The following RAB7A variants were observed in gnomAD, a reference collection of about 807,000 sequenced individuals.
RAB7A encodes the protein RAB7A, member RAS oncogene family.
Under a neutral mutation model 24.5 loss-of-function variants are expected in RAB7A, and 2 were observed. The ratio of observed to expected loss-of-function variants is 0.08; its 90% CI spans 0.03 to 0.26. The LOEUF (loss-of-function observed/expected upper bound fraction) is 0.26, where lower values mean the gene tolerates loss of function less well. RAB7A is among the 10% of genes least tolerant of loss of function. RAB7A has a pLI of 1.00. For synonymous variants in RAB7A, 100 were observed against 95.9 expected (o/e 1.04, Z -0.25); for missense variants, 118 against 255.7 (o/e 0.46, Z 3.67).
intron 1 of RAB7A, among the ~76,000 whole-genome samples, chr3:128,732,466 C>G (rs1161619715): frequency 6.6e-6 from 1 of 151,696 alleles, no homozygotes; most frequent in Non-Finnish European, 1.5e-5. Flanking sequence ...CGAGGAAGAC[C>G]AAAGTGTTAA....
chr3:128,757,407 G>A (rs2070739148), intron 1 of RAB7A, among the ~76,000 whole-genome samples: 1 of 152,154 alleles, frequency 6.6e-6, no homozygotes, highest in Non-Finnish European at 1.5e-5. Flanking sequence ...TGATATTGAG[G>A]CCAGGTGTGC....
At chr3:128,764,349 A>T (rs1261614414) in intron 1 of RAB7A, 10 of 619,022 alleles carry the variant, frequency 1.6e-5, no homozygotes, top group Non-Finnish European at 2.6e-5. Context: ...AAATCGAAGA[A>T]CTTAAGTGGA....
intron 3 of RAB7A, among the ~76,000 whole-genome samples, chr3:128,801,994 G>T (rs542006230): frequency 3.4e-4 from 52 of 152,286 alleles, no homozygotes; most frequent in African/African-American, 1.3e-3. Context: ...AGAAAGAGAT[G>T]GGCAGCACAG....
intron 1 of RAB7A, among the ~76,000 whole-genome samples, chr3:128,780,769 A>G (rs1237891976): frequency 6.6e-6 from 1 of 152,230 alleles, no homozygotes; most frequent in East Asian, 1.9e-4. Flanking sequence ...GTGGTAACCC[A>G]TGTTCTTAGG....
At chr3:128,734,685 C>G (rs958858291) in intron 1 of RAB7A, among the ~76,000 whole-genome samples, 5 of 151,812 alleles carry the variant, frequency 3.3e-5, no homozygotes, top group Non-Finnish European at 7.4e-5. Context: ...ACACTTGAGC[C>G]CTTAGAATAT....
intron 3 of RAB7A, among the ~76,000 whole-genome samples, chr3:128,801,596 C>G (rs1030540942): frequency 6.6e-6 from 1 of 152,064 alleles, no homozygotes; most frequent in Non-Finnish European, 1.5e-5. Context: ...TTTGGAAATT[C>G]AGAGAATGCT....
At position 128,789,025 on chromosome 3, in the gene RAB7A, C is replaced by T. The variant is rs1298824169; in HGVS notation, c.-8-6335C>T. Among the ~76,000 whole-genome samples, 3 of 152,154 alleles carry T rather than the reference C, an allele frequency of 2.0e-5. No individual in the cohort carries two copies. The East Asian group carries it at 5.8e-4, about 29-fold the overall frequency. ...TGTTTCATCGTTCAAATACTGGTAC[C>T]AATACTGGTAGTTTCGCTCTGAGGA... On this transcript the variant is annotated intron_variant, in intron 1 of 5. Transcript: ENST00000265062.
At chr3:128,795,792 C>T (rs1445086038) in intron 2 of RAB7A, among the ~76,000 whole-genome samples, 2 of 78,000 alleles carry the variant, frequency 2.6e-5, no homozygotes, top group East Asian at 1.1e-3. Context: ...CGCTCTGTCG[C>T]CCAGGCTGGA....
At chr3:128,783,383 C>T (rs546782306) in intron 1 of RAB7A, among the ~76,000 whole-genome samples, 7 of 152,116 alleles carry the variant, frequency 4.6e-5, no homozygotes, top group African/African-American at 1.7e-4. Flanking sequence ...AAGACAGGCT[C>T]TCAACACTGC....
intron 1 of RAB7A, among the ~76,000 whole-genome samples, chr3:128,736,989 T>C (rs2070495423): frequency 6.6e-6 from 1 of 152,190 alleles, no homozygotes; most frequent in African/African-American, 2.4e-5. Context: ...TTATAGATAC[T>C]GTGTTGCCCG....
Position 128,742,307 on chromosome 3 carries a change from C to A in RAB7A, c.-9+15948C>A, listed in dbSNP as rs535037827. ...AGTGTTATAGCTCATAAAGGCAGTGCAGACCCAAAGAGTGAGCAGCAGCAA... is the reference window on the plus strand; with the variant it reads ...AGTGTTATAGCTCATAAAGGCAGTGAAGACCCAAAGAGTGAGCAGCAGCAA... On this transcript the variant is annotated intron_variant, in intron 1 of 5. Transcript: ENST00000265062. 4.5e-4 allele frequency among the ~76,000 whole-genome samples: 69 copies of A among 152,262 alleles called. 1 individual carries two copies. In the South Asian group the frequency reaches 0.014, roughly 31 times the overall value.
At chr3:128,757,748 C>T (rs1024973430) in intron 1 of RAB7A, among the ~76,000 whole-genome samples, 1 of 152,086 alleles carries the variant, frequency 6.6e-6, no homozygotes, top group African/African-American at 2.4e-5. Context: ...GAACTCCTGA[C>T]CTCAAGTGAT....
At chr3:128,745,661 C>T (rs1336524080) in intron 1 of RAB7A, among the ~76,000 whole-genome samples, 3 of 152,170 alleles carry the variant, frequency 2.0e-5, no homozygotes, top group East Asian at 1.9e-4. Context: ...CCACCAGGCC[C>T]GGGTGAGCAC....
intron 5 of RAB7A, among the ~76,000 whole-genome samples, chr3:128,810,106 G>C (rs1576305270): frequency 6.6e-6 from 1 of 151,322 alleles, no homozygotes; most frequent in South Asian, 2.1e-4. Context: ...CCGCCACCAT[G>C]CCCAGCTAAT....
chr3:128,791,867 A>C (rs908319414), intron 1 of RAB7A, among the ~76,000 whole-genome samples: 1 of 152,028 alleles, frequency 6.6e-6, no homozygotes, highest in African/African-American at 2.4e-5. Context: ...GCTGCTGCTG[A>C]TGACCTGCCA....
At chr3:128,789,580 G>A (rs1455137823) in intron 1 of RAB7A, among the ~76,000 whole-genome samples, 2 of 151,988 alleles carry the variant, frequency 1.3e-5, no homozygotes, top group African/African-American at 4.8e-5. Flanking sequence ...TGATCTGCCC[G>A]CCTCAGCCTC....
At chr3:128,802,786 C>T (rs368957352) in intron 3 of RAB7A, among the ~76,000 whole-genome samples, 4 of 149,626 alleles carry the variant, frequency 2.7e-5, no homozygotes, top group Middle Eastern at 3.7e-3. Context: ...GGATTACAGG[C>T]GTGAGCTACC....
intron 1 of RAB7A, among the ~76,000 whole-genome samples, chr3:128,733,392 G>A (rs936153851): frequency 2.0e-5 from 3 of 152,162 alleles, no homozygotes; most frequent in Admixed American, 6.6e-5. Flanking sequence ...AGTTTCCATT[G>A]CTCAGTAGTA....
intron 1 of RAB7A, among the ~76,000 whole-genome samples, chr3:128,741,499 TCA>T (rs1330819676): frequency 6.6e-6 from 1 of 152,216 alleles, no homozygotes; most frequent in Non-Finnish European, 1.5e-5. Context: ...ATTTTTTTTA[TCA>T]CACAGTATAT....
Sources: allele counts gnomAD v4.1 joint callset (sites outside exome capture counted in the v4.1 genomes callset), GRCh38; gene constraint gnomAD v4.1.1; transcripts MANE v1.5; gene names NCBI Gene and HGNC (gene_info 2026-07-23, HGNC 2026-07-21).